The following C8orf74 variants were observed in gnomAD, a reference collection of about 807,000 sequenced individuals.
C8orf74 encodes the protein chromosome 8 open reading frame 74, also known as uncharacterized protein C8orf74.
Under a neutral mutation model 22.2 loss-of-function variants are expected in C8orf74, and 29 were observed. The observed-to-expected ratio is 1.31, with a 90% CI of 0.97 to 1.78. The LOEUF (loss-of-function observed/expected upper bound fraction) is 1.78. C8orf74 is among the 40% of genes most tolerant of loss of function. The pLI is 0.00. For missense variants in C8orf74, 515 were observed against 369.9 expected, an observed-to-expected ratio of 1.39 and a Z score of -3.22; for synonymous variants, 255 against 163.1, an observed-to-expected ratio of 1.56 and a Z score of -4.30.
At chr8:10,674,874 G>T (rs1473872567) in intron 2 of C8orf74, 36 bp downstream of exon 2, 2 of 1,534,884 alleles carry the variant, frequency 1.3e-6, no homozygotes, top group Non-Finnish European at 1.8e-6. Flanking sequence ...AGCAGAGGCT[G>T]GCGGGATGGG....
chr8:10,697,796 C>T lies in C8orf74; in HGVS notation c.439C>T (p.Pro147Ser), dbSNP rs772185202. ...LTVAHLEVCM[P>S]PHPLPLAEGM... is the part of the protein sequence containing the mutation. ...CGTTGCCCACCTGGAGGTGTGCATG[C>T]CACCCCATCCCCTCCCGCTGGCCGA... Residue 147 changes from proline to serine, a missense_variant, in exon 3 of 4, where the codon CCA (proline) becomes TCA (serine). By Grantham distance (74) the Pro-to-Ser change is moderately conservative. Transcript: ENST00000304519. The T allele has an allele frequency of 7.4e-6, 12 of 1,614,030 alleles. No homozygotes were observed. Among genetic ancestry groups the T allele is most frequent in the Non-Finnish European group, 2.5e-6 (3 of 1,179,886 alleles).
intron 2 of C8orf74, chr8:10,689,012 G>C (rs1799319561): frequency 6.6e-6 from 1 of 152,460 alleles, no homozygotes; most frequent in South Asian, 2.1e-4. Flanking sequence ...ACAGCACCTG[G>C]CCCAGTCTCC....
At chr8:10,683,679 C>T (rs1030393757) in intron 2 of C8orf74, among the ~76,000 whole-genome samples, 13 of 152,206 alleles carry the variant, frequency 8.5e-5, no homozygotes, top group South Asian at 4.1e-4. Context: ...GTCAGCTCCA[C>T]GGAAATCCCC....
Position 10,700,379 on chromosome 8 carries a change from A to AAACCCCCCCCCCAAAC in C8orf74, c.793_794insAACCCCCCCCCCAAAC (p.Ile265LysfsTer60). The AAACCCCCCCCCCAAAC allele has an allele frequency of 6.3e-7, 1 of 1,592,192 alleles. No individual in the cohort carries two copies. The highest frequency in any genetic ancestry group is 8.6e-7 in the Non-Finnish European group (1 of 1,165,946). On this transcript the variant is annotated frameshift_variant, in exon 4 of 4. Transcript: ENST00000304519. LOFTEE classifies it low-confidence loss of function (END_TRUNC). ...TCTGAACCTCAACGCCCCCACCCCT[A>AAACCCCCCCCCCAAAC]TCCCGCCCCCCATCACCAGCCACGC...
chr8:10,690,935 C>T (rs1016969430), intron 2 of C8orf74: 3 of 456,204 alleles, frequency 6.6e-6, no homozygotes, highest in Non-Finnish European at 1.3e-5. Context: ...CAAATGAGGG[C>T]CACTCCCTGT....
At chr8:10,685,852 G>A (rs992828920) in intron 2 of C8orf74, among the ~76,000 whole-genome samples, 7 of 152,132 alleles carry the variant, frequency 4.6e-5, no homozygotes, top group South Asian at 2.1e-4. Context: ...GGTGGATCAC[G>A]AGATAAGGAG....
At chr8:10,696,067 C>G (rs566240712) in intron 2 of C8orf74, among the ~76,000 whole-genome samples, 26 of 152,218 alleles carry the variant, frequency 1.7e-4, no homozygotes, top group African/African-American at 6.0e-4. Context: ...CCTTGACTTG[C>G]CTATCTCTCT....
chr8:10,699,459 A>T (rs1799605670), intron 3 of C8orf74, among the ~76,000 whole-genome samples: 1 of 152,260 alleles, frequency 6.6e-6, no homozygotes, highest in South Asian at 2.1e-4. Context: ...ACAAGATCTC[A>T]AAGAAATGCA....
chr8:10,684,750 C>T (rs1229374165), intron 2 of C8orf74, among the ~76,000 whole-genome samples: 2 of 152,178 alleles, frequency 1.3e-5, no homozygotes, highest in African/African-American at 4.8e-5. Context: ...ATATGATTTT[C>T]TTTGTTTCCT....
chr8:10,695,961 C>T (rs973089614), intron 2 of C8orf74, among the ~76,000 whole-genome samples: 1 of 152,150 alleles, frequency 6.6e-6, no homozygotes, highest in African/African-American at 2.4e-5. Flanking sequence ...CACTGAGTCA[C>T]AGAGCAGAAG....
intron 2 of C8orf74, among the ~76,000 whole-genome samples, chr8:10,677,698 C>G (rs868103953): frequency 1.3e-4 from 20 of 152,198 alleles, no homozygotes; most frequent in Middle Eastern, 6.8e-3. Flanking sequence ...CAGTATTATT[C>G]TTAACATACG....
intron 2 of C8orf74, among the ~76,000 whole-genome samples, chr8:10,681,353 C>T (rs1168544419): frequency 6.6e-6 from 1 of 152,174 alleles, no homozygotes; most frequent in African/African-American, 2.4e-5. Context: ...AAGGGTGAAG[C>T]CACCAGCCGT....
intron 2 of C8orf74, chr8:10,687,103 C>T (rs903087657): frequency 4.4e-6 from 2 of 456,298 alleles, no homozygotes; most frequent in Admixed American, 2.3e-5. Context: ...GCCCACACAG[C>T]CCACCAGCTG....
chr8:10,684,300 A>C (rs1799216099), intron 2 of C8orf74, among the ~76,000 whole-genome samples: 1 of 152,210 alleles, frequency 6.6e-6, no homozygotes, highest in African/African-American at 2.4e-5. Context: ...CCCTTCTGCC[A>C]AAGCTCTTTC....
intron 2 of C8orf74, among the ~76,000 whole-genome samples, chr8:10,678,727 C>G (rs1045385314): frequency 1.3e-5 from 2 of 152,174 alleles, no homozygotes; most frequent in African/African-American, 4.8e-5. Context: ...GACAGCCATG[C>G]CAGGCTGGCT....
At chr8:10,685,208 A>G (rs1479816961) in intron 2 of C8orf74, among the ~76,000 whole-genome samples, 1 of 152,256 alleles carries the variant, frequency 6.6e-6, no homozygotes, top group Non-Finnish European at 1.5e-5. Flanking sequence ...AACTTAAAAG[A>G]CATAGTGGAT....
chr8:10,687,323 T>A, intron 2 of C8orf74: 1 of 321,436 alleles, frequency 3.1e-6, no homozygotes, highest in South Asian at 2.4e-5. Flanking sequence ...ATATATGCAA[T>A]GGTTTTTATT....
chr8:10,681,131 T>C (rs539502669), intron 2 of C8orf74, among the ~76,000 whole-genome samples: 2 of 151,922 alleles, frequency 1.3e-5, no homozygotes, highest in South Asian at 2.1e-4. Context: ...CAGCTGCCAG[T>C]GCAGTTTATC....
chr8:10,694,754 T>A (rs1354920591), intron 2 of C8orf74, among the ~76,000 whole-genome samples: 1 of 152,226 alleles, frequency 6.6e-6, no homozygotes, highest in Non-Finnish European at 1.5e-5. Context: ...TCTTTTCCTT[T>A]CACAAATGAA....
Sources: allele counts gnomAD v4.1 joint callset (sites outside exome capture counted in the v4.1 genomes callset), GRCh38; gene constraint gnomAD v4.1.1; transcripts MANE v1.5; gene names NCBI Gene and HGNC (gene_info 2026-07-23, HGNC 2026-07-21).